ADAMTS17: variants seen among roughly 807,000 people sequenced by gnomAD.
ADAMTS17 encodes ADAM metallopeptidase with thrombospondin type 1 motif 17.
Under a neutral mutation model 141.5 loss-of-function variants are expected in ADAMTS17, and 113 were observed. The ratio of observed to expected loss-of-function variants is 0.80; its 90% CI spans 0.69 to 0.93. The LOEUF is 0.93. Ranked by LOEUF, ADAMTS17 falls within the 40% of genes least tolerant of loss-of-function variation. ADAMTS17 has a pLI of 0.00. For synonymous variants in ADAMTS17, 768 were observed against 630.6 expected, an observed-to-expected ratio of 1.22 and a Z score of -3.27; for missense variants, 1,659 against 1,517.9, an observed-to-expected ratio of 1.09 and a Z score of -1.54.
intron 14 of ADAMTS17, among the ~76,000 whole-genome samples, chr15:100,108,083 A>C (rs2036517792): frequency 6.6e-6 from 1 of 152,016 alleles, no homozygotes; most frequent in Non-Finnish European, 1.5e-5. Flanking sequence ...TAGGAGCCCC[A>C]CCTGGGGAGG....
At chr15:100,268,990 C>T (rs1162624039) in intron 4 of ADAMTS17, among the ~76,000 whole-genome samples, 1 of 151,990 alleles carries the variant, frequency 6.6e-6, no homozygotes, top group Non-Finnish European at 1.5e-5. Context: ...ATACCTACAA[C>T]CATCTAATCT....
At position 100,311,970 on chromosome 15, in the gene ADAMTS17, C is replaced by T. The variant is rs2045420555; in HGVS notation, c.616+18919G>A. ...TAAAGTGCATGCTGGCTGGGGCTGT[C>T]CAGGTGGCTCAGGGAAGCTCCTGGC... On this transcript the variant is annotated intron_variant, in intron 3 of 21. Transcript: ENST00000268070. Among the ~76,000 whole-genome samples, 3 of 152,266 alleles carry T rather than the reference C, an allele frequency of 2.0e-5. No individual in the cohort carries two copies. In the South Asian group the frequency reaches 6.2e-4, roughly 32 times the overall value.
intron 1 of ADAMTS17, among the ~76,000 whole-genome samples, 160 bp from the exon 2 acceptor site, chr15:100,341,569 G>C (rs1429439463): frequency 6.7e-6 from 1 of 149,312 alleles, no homozygotes; most frequent in Non-Finnish European, 1.5e-5. Flanking sequence ...GCGCCACCCG[G>C]GGAGGGTCTC....
At chr15:100,036,614 A>C (rs973256447) in intron 18 of ADAMTS17, among the ~76,000 whole-genome samples, 1 of 152,182 alleles carries the variant, frequency 6.6e-6, no homozygotes, top group African/African-American at 2.4e-5. Flanking sequence ...TTTGAGACAT[A>C]ACTCATATAC....
intron 7 of ADAMTS17, among the ~76,000 whole-genome samples, chr15:100,200,429 G>A (rs1056689672): frequency 1.1e-4 from 17 of 152,080 alleles, no homozygotes; most frequent in Non-Finnish European, 1.0e-4. Context: ...TCTGGGGGCT[G>A]ACTCTCCAGG....
At chr15:100,308,776 T>C (rs2045310614) in intron 3 of ADAMTS17, among the ~76,000 whole-genome samples, 3 of 152,164 alleles carry the variant, frequency 2.0e-5, no homozygotes, top group African/African-American at 7.2e-5. Context: ...GGAGTCTGAC[T>C]AAGCAGCAGG....
Position 100,127,256 on chromosome 15 carries a change from T to C in ADAMTS17, c.1721+4751A>G, listed in dbSNP as rs191590444. Among the ~76,000 whole-genome samples the C allele has an allele frequency of 5.8e-4, 88 of 152,194 alleles. No individual in the cohort carries two copies. The East Asian group carries it at 0.015, about 26-fold the overall frequency. ...TGTAATTAAGCTAAGGATCTGGAGA[T>C]GAGACCATCCTGGATTTGGGTGGGC... On this transcript the variant is annotated intron_variant, in intron 12 of 21. Transcript: ENST00000268070.
chr15:100,055,115 C>A (rs963758830), intron 15 of ADAMTS17, among the ~76,000 whole-genome samples: 1 of 152,024 alleles, frequency 6.6e-6, no homozygotes, highest in Non-Finnish European at 1.5e-5. Context: ...TCCAGGGCAC[C>A]CTCAGTCCTA....
At chr15:100,058,700 A>G (rs4965570) in intron 15 of ADAMTS17, among the ~76,000 whole-genome samples, 150,830 of 152,294 alleles carry the variant, frequency 0.99, 74,705 homozygotes, top group Middle Eastern at 1. Flanking sequence ...CGAGGTGGAG[A>G]TAGAGCCACT....
chr15:100,112,033 C>T (rs755621494), intron 13 of ADAMTS17, among the ~76,000 whole-genome samples: 7 of 152,182 alleles, frequency 4.6e-5, no homozygotes, highest in Admixed American at 1.3e-4. Context: ...TTCTGGCTTC[C>T]GAGTGTATCC....
At chr15:100,273,176 T>C (rs1339806037) in intron 4 of ADAMTS17, among the ~76,000 whole-genome samples, 2 of 152,186 alleles carry the variant, frequency 1.3e-5, no homozygotes, top group African/African-American at 2.4e-5. Context: ...TTTTGTTTCT[T>C]TTCTTTGGCT....
chr15:99,994,238 G>C (rs2141333963), intron 19 of ADAMTS17, among the ~76,000 whole-genome samples: 1 of 152,248 alleles, frequency 6.6e-6, no homozygotes, highest in East Asian at 1.9e-4. Context: ...GCTGCAGTCT[G>C]CTAAGGCGGT....
intron 10 of ADAMTS17, among the ~76,000 whole-genome samples, chr15:100,134,445 CCCAAG>C (rs2038221190): frequency 2.6e-5 from 4 of 152,196 alleles, no homozygotes; most frequent in African/African-American, 9.7e-5. Flanking sequence ...GGCTAAAAGG[CCCAAG>C]TTGGAGCAGG....
In ADAMTS17 at chr15:100,022,317, C is replaced by T. The variant is rs1275799253; in HGVS notation, c.2592-24728G>A. Among the ~76,000 whole-genome samples, 5 of 152,168 alleles carry T rather than the reference C, an allele frequency of 3.3e-5. No individual in the cohort carries two copies. In the East Asian group the frequency reaches 5.8e-4, roughly 18 times the overall value. On this transcript the variant is annotated intron_variant, in intron 18 of 21. Coordinates refer to ENST00000268070, the MANE Select transcript of ADAMTS17 (RefSeq NM_139057.4). ...GCCACAGCCCCCACCTCCTCCTCGG[C>T]GGTGGACCCCACTAAGGCAGCGTGT...
rs544992802 is a variant in ADAMTS17 at position 100,278,757 on chromosome 15, G to T, written c.789+2472C>A. Among the ~76,000 whole-genome samples the T allele has an allele frequency of 2.6e-4, 40 of 152,332 alleles. 1 individual carries two copies. In the East Asian group the frequency reaches 7.1e-3, roughly 27 times the overall value. On this transcript the variant is annotated intron_variant, in intron 4 of 21. Coordinates refer to ENST00000268070, the MANE Select transcript of ADAMTS17 (RefSeq NM_139057.4). ...TCCTAACAAGCAGGATTGCCGTGGGGTTCCCCACACCCAGTGGGCCCAGGA... is the reference window on the plus strand; with the variant it reads ...TCCTAACAAGCAGGATTGCCGTGGGTTTCCCCACACCCAGTGGGCCCAGGA...
chr15:99,991,150 C>T (rs1188823172), intron 20 of ADAMTS17, among the ~76,000 whole-genome samples: 1 of 152,172 alleles, frequency 6.6e-6, no homozygotes, highest in African/African-American at 2.4e-5. Context: ...GCAATGGCAG[C>T]AAAAGCCAGA....
chr15:99,997,584 A>G lies in ADAMTS17; in HGVS notation c.2597T>C (p.Val866Ala), dbSNP rs1371270334. ...CNLHPCQSRW[V>A]AGPWSPCSAT... ...CGAGCAGGGGCTCCACGGGCCTGCC[A>G]CCCACCTGCCAGACGGGAGGAAAGA... The change falls in exon 19 of 22, where the codon GTG becomes GCG. Residue 866 changes from valine to alanine, a missense_variant. Coordinates refer to ENST00000268070, the MANE Select transcript of ADAMTS17 (RefSeq NM_139057.4). The surrounding 1 kb of genome is among the most constrained non-coding windows in gnomAD (Gnocchi z 4.7). 1 of 1,612,742 alleles carries G rather than the reference A, an allele frequency of 6.2e-7. No individual in the cohort carries two copies. The highest frequency in any genetic ancestry group is 1.7e-5 in the Admixed American group (1 of 60,010).
At chr15:100,148,884 G>C (rs1160104504) in intron 10 of ADAMTS17, among the ~76,000 whole-genome samples, 2 of 152,032 alleles carry the variant, frequency 1.3e-5, no homozygotes, top group African/African-American at 4.8e-5. Context: ...GGATAACTGG[G>C]AGAAGAGTGG....
intron 14 of ADAMTS17, among the ~76,000 whole-genome samples, chr15:100,106,888 G>A (rs2036445446): frequency 6.6e-6 from 1 of 152,188 alleles, no homozygotes; most frequent in African/African-American, 2.4e-5. Context: ...GCAGGGCCTT[G>A]GACATTCTTT....
Sources: allele counts gnomAD v4.1 joint callset (sites outside exome capture counted in the v4.1 genomes callset), GRCh38; gene constraint gnomAD v4.1.1; non-coding constraint Gnocchi (gnomAD v3.1); transcripts MANE v1.5; gene names NCBI Gene and HGNC (gene_info 2026-07-23, HGNC 2026-07-21).